The following UBE3C variants were observed in gnomAD, a reference collection of about 807,000 sequenced individuals.
UBE3C encodes ubiquitin protein ligase E3C.
A neutral mutation model predicts 129.4 loss-of-function variants in UBE3C; 42 were observed. The ratio of observed to expected loss-of-function variants is 0.32; its 90% CI spans 0.25 to 0.42. UBE3C has a LOEUF of 0.42. Among genes scored for constraint, UBE3C ranks in the 10% least tolerant of loss-of-function variants. The pLI is 1.00. For synonymous variants in UBE3C, 510 were observed against 492.4 expected (o/e 1.04, Z -0.47); for missense variants, 1,049 against 1,319.1 (o/e 0.80, Z 3.17).
At chr7:157,201,185 G>C (rs539042798) in intron 10 of UBE3C, among the ~76,000 whole-genome samples, 1 of 151,984 alleles carries the variant, frequency 6.6e-6, no homozygotes, top group South Asian at 2.1e-4. Flanking sequence ...TTAGCCAGGC[G>C]TGGTGGCGGG....
intron 11 of UBE3C, among the ~76,000 whole-genome samples, chr7:157,203,421 T>C (rs1033708372): frequency 6.6e-6 from 1 of 152,190 alleles, no homozygotes; most frequent in Non-Finnish European, 1.5e-5. Flanking sequence ...TTTGGTGCAT[T>C]TCAGCCACTT....
intron 15 of UBE3C, 174 bp downstream of exon 15, chr7:157,220,950 G>A (rs547234001): frequency 5.8e-5 from 38 of 651,088 alleles, no homozygotes; most frequent in Admixed American, 8.9e-5. Flanking sequence ...GCTCCATTGC[G>A]GCCACCTCTT....
intron 8 of UBE3C, among the ~76,000 whole-genome samples, chr7:157,182,880 C>T (rs1187835307): frequency 6.6e-6 from 1 of 152,104 alleles, no homozygotes; most frequent in African/African-American, 2.4e-5. Context: ...TCCTGAGTAG[C>T]TGGGACTACA....
intron 13 of UBE3C, among the ~76,000 whole-genome samples, chr7:157,216,352 GTTT>G (rs11373650): frequency 1.2e-4 from 17 of 145,068 alleles, no homozygotes; most frequent in South Asian, 2.2e-4. Context: ...AGATTCGTGG[GTTT>G]TTTTTTTTTT....
intron 5 of UBE3C, 66 bp downstream of exon 5, chr7:157,175,100 TTTGACTTTTA>T (rs1373609200): frequency 8.4e-7 from 1 of 1,190,330 alleles, no homozygotes; most frequent in African/African-American, 1.6e-5. Flanking sequence ...GGGAACACCT[TTTGACTTTTA>T]TTTTCAGAGA....
chr7:157,190,947 T>A (rs181559527), intron 10 of UBE3C, among the ~76,000 whole-genome samples: 48 of 152,302 alleles, frequency 3.2e-4, no homozygotes, highest in African/African-American at 9.9e-4. Context: ...TTCCAGTTAA[T>A]GTCTGGGCTG....
chr7:157,195,265 A>G (rs904818081), intron 10 of UBE3C, among the ~76,000 whole-genome samples: 1 of 152,228 alleles, frequency 6.6e-6, no homozygotes, highest in African/African-American at 2.4e-5. Context: ...CCCATGACAT[A>G]TGTAAGAGAC....
intron 1 of UBE3C, among the ~76,000 whole-genome samples, chr7:157,159,300 C>A: frequency 6.8e-6 from 1 of 147,210 alleles, no homozygotes; most frequent in African/African-American, 2.6e-5. Flanking sequence ...ACACAGCAGG[C>A]ATGTGGGGAA....
At chr7:157,182,033 A>G in intron 7 of UBE3C, 75 bp from the exon 8 acceptor site, 1 of 1,392,212 alleles carries the variant, frequency 7.2e-7, no homozygotes, top group Non-Finnish European at 9.7e-7. Flanking sequence ...GGATATTTTG[A>G]AAGGTGATTT....
intron 17 of UBE3C, among the ~76,000 whole-genome samples, chr7:157,227,700 G>GAA (rs933090435): frequency 6.9e-6 from 1 of 144,806 alleles, no homozygotes; most frequent in South Asian, 2.3e-4. Flanking sequence ...CTTCATCTCA[G>GAA]AAAAAAAAAA....
intron 18 of UBE3C, among the ~76,000 whole-genome samples, chr7:157,239,009 T>G (rs956174020): frequency 2.6e-5 from 4 of 152,186 alleles, no homozygotes; most frequent in Non-Finnish European, 5.9e-5. Context: ...GACAAGTGAT[T>G]TCTGTGGCGT....
intron 22 of UBE3C, among the ~76,000 whole-genome samples, chr7:157,259,268 C>T (rs1796835378): frequency 1.3e-5 from 2 of 152,246 alleles, no homozygotes; most frequent in African/African-American, 4.8e-5. Flanking sequence ...TCGCGTCCTT[C>T]ATAGAATCTG....
chr7:157,211,204 G>A (rs1039956297), intron 13 of UBE3C, among the ~76,000 whole-genome samples: 3 of 150,618 alleles, frequency 2.0e-5, no homozygotes, highest in Admixed American at 1.3e-4. Flanking sequence ...GCCATACTAT[G>A]AGTGATTTTT....
At chr7:157,197,785 G>A (rs547045852) in intron 10 of UBE3C, 1 of 1,606,540 alleles carries the variant, frequency 6.2e-7, no homozygotes, top group African/African-American at 1.3e-5. Context: ...TTGAATCTTT[G>A]TATCAAACGA....
intron 14 of UBE3C, among the ~76,000 whole-genome samples, chr7:157,219,972 A>T (rs1795693557): frequency 2.0e-5 from 3 of 152,062 alleles, no homozygotes; most frequent in South Asian, 2.1e-4. Context: ...GCACTTTGGG[A>T]TGCTGAGGCA....
At chr7:157,148,061 C>T (rs531116848) in intron 1 of UBE3C, among the ~76,000 whole-genome samples, 1 of 152,178 alleles carries the variant, frequency 6.6e-6, no homozygotes, top group East Asian at 1.9e-4. Flanking sequence ...TGAGGATACT[C>T]TAGGGCCTAC....
rs1554424035 is a variant in UBE3C, at chr7:157,171,660, T to TTACATATA, written c.342+1212_342+1213insCATATATA. Among the ~76,000 whole-genome samples the TTACATATA allele has an allele frequency of 1.9e-3, 132 of 67,872 alleles. 1 individual carries two copies. The highest frequency in any genetic ancestry group is 3.1e-3 in the Non-Finnish European group (111 of 35,788). 44.5% of individuals were successfully genotyped at this position (67,872 alleles called of 152,430 possible). ...TGGGTTATATACATTTTTAAATATTTTATATATATATATATATATATATAT... is the reference window on the plus strand; with the variant it reads ...TGGGTTATATACATTTTTAAATATTTTACATATATATATATATATATATATATATATAT... On this transcript the variant is annotated intron_variant, in intron 4 of 22. Coordinates refer to ENST00000348165, the MANE Select transcript of UBE3C (RefSeq NM_014671.3).
intron 17 of UBE3C, among the ~76,000 whole-genome samples, chr7:157,229,530 T>C (rs1795966037): frequency 6.6e-6 from 1 of 152,230 alleles, no homozygotes; most frequent in African/African-American, 2.4e-5. Flanking sequence ...TTAGTCAGGC[T>C]GGTCTCAAAC....
intron 10 of UBE3C, chr7:157,197,658 C>T (rs1809159972): frequency 6.2e-7 from 1 of 1,609,730 alleles, no homozygotes; most frequent in Non-Finnish European, 8.5e-7. Flanking sequence ...CAGTGTCAGG[C>T]TTTCATCTGT....
Sources: gnomAD v4.1 joint callset for allele counts (sites outside exome capture counted in the v4.1 genomes callset) on GRCh38, gnomAD v4.1.1 for gene constraint, MANE v1.5 for transcripts, NCBI Gene and HGNC (gene_info 2026-07-23, HGNC 2026-07-21) for gene names.